TRIM2: variants seen among roughly 807,000 people sequenced by gnomAD.
TRIM2 encodes tripartite motif containing 2.
Under a neutral mutation model 75.2 loss-of-function variants are expected in TRIM2, and 20 were observed. That is an observed-to-expected ratio of 0.27 (90% CI 0.19 to 0.39). The LOEUF (loss-of-function observed/expected upper bound fraction) is 0.39, where lower values mean the gene tolerates loss of function less well. Ranked by LOEUF, TRIM2 falls within the 10% of genes least tolerant of loss-of-function variation. The pLI is 1.00. For synonymous variants in TRIM2, 373 were observed against 388.3 expected, an observed-to-expected ratio of 0.96 and a Z score of 0.46; for missense variants, 660 against 990.8, an observed-to-expected ratio of 0.67 and a Z score of 4.48.
chr4:153,337,102 G>T lies in TRIM2; in HGVS notation c.*2136G>T, dbSNP rs144045281. 1.0e-6 allele frequency: 1 copy of T among 985,254 alleles called. No homozygotes were observed. The highest frequency in any genetic ancestry group is 1.7e-5 in the African/African-American group (1 of 57,214). 61.0% of individuals were successfully genotyped at this position (985,254 alleles called of 1,614,324 possible). On this transcript the variant is annotated 3_prime_UTR_variant, in exon 12 of 12. Coordinates refer to ENST00000338700, the MANE Select transcript of TRIM2 (RefSeq NM_015271.5). ...TGGGGTGGGAATTTCATTTTGCCAC[G>T]TACTAACGTTCTGCACAAAAGACAG...
At position 153,334,795 on chromosome 4, in the gene TRIM2, A is replaced by T. The variant is rs1772252131; in HGVS notation, c.2164-19A>T. On this transcript the variant is annotated intron_variant, in intron 11 of 11. Coordinates refer to ENST00000338700, the MANE Select transcript of TRIM2 (RefSeq NM_015271.5). ...CTATAACTTCTCCTATAACATTCTG[A>T]CTTCCTATTTGTTTACAGGTTTTTG... 1 of 1,596,542 alleles carries T rather than the reference A, an allele frequency of 6.3e-7. No homozygotes were observed. Among genetic ancestry groups the T allele is most frequent in the Admixed American group, 1.7e-5 (1 of 59,308 alleles).
intron 3 of TRIM2, chr4:153,276,353 T>A: frequency 1.7e-6 from 1 of 588,618 alleles, no homozygotes; most frequent in Non-Finnish European, 3.0e-6. Flanking sequence ...ACACATATTG[T>A]TGGTATCCCC....
intron 1 of TRIM2, among the ~76,000 whole-genome samples, chr4:153,176,750 A>G (rs1731474273): frequency 6.6e-6 from 1 of 152,186 alleles, no homozygotes; most frequent in East Asian, 1.9e-4. Context: ...AGCTGGGACC[A>G]CAGGTGTGTG....
intron 3 of TRIM2, among the ~76,000 whole-genome samples, chr4:153,277,795 ATTAATAGCT>A (rs1312415880): frequency 6.6e-6 from 1 of 152,246 alleles, no homozygotes; most frequent in Non-Finnish European, 1.5e-5. Context: ...ACACCAGGCT[ATTAATAGCT>A]ATCAGTTTTC....
intron 1 of TRIM2, among the ~76,000 whole-genome samples, chr4:153,234,327 G>A (rs1229937713): frequency 6.6e-6 from 1 of 152,214 alleles, no homozygotes; most frequent in Admixed American, 6.5e-5. Flanking sequence ...GAAAGAAGGT[G>A]TTGGATAGCG....
intron 1 of TRIM2, among the ~76,000 whole-genome samples, chr4:153,232,234 C>A (rs1264160352): frequency 6.6e-6 from 1 of 152,114 alleles, no homozygotes; most frequent in Non-Finnish European, 1.5e-5. Flanking sequence ...CATGAGTAGC[C>A]AGGCGAGGTG....
intron 6 of TRIM2, among the ~76,000 whole-genome samples, chr4:153,313,992 C>G (rs1048574183): frequency 6.6e-6 from 1 of 152,064 alleles, no homozygotes; most frequent in Non-Finnish European, 1.5e-5. Context: ...GGTTCTCTCT[C>G]TCTATGAAAA....
At position 153,248,140 on chromosome 4, in the gene TRIM2, C is replaced by T. The variant is rs544686179; in HGVS notation, c.31-22195C>T. ...CCTCCTGAATAGCTGGGATTACAGG[C>T]GCCTGCCACCATGCCCGGCTAATTT... On this transcript the variant is annotated intron_variant, in intron 1 of 11. Coordinates refer to ENST00000338700, the MANE Select transcript of TRIM2 (RefSeq NM_015271.5). This position sits in a 1 kb window ranked among gnomAD's most constrained non-coding sequence, Gnocchi z 4.0. 1.3e-4 allele frequency among the ~76,000 whole-genome samples: 20 copies of T among 151,968 alleles called. No individual in the cohort carries two copies. Among genetic ancestry groups the T allele is most frequent in the Admixed American group, 1.0e-3 (16 of 15,240 alleles).
At chr4:153,205,002 G>A (rs1367073048) in intron 1 of TRIM2, among the ~76,000 whole-genome samples, 6 of 152,200 alleles carry the variant, frequency 3.9e-5, no homozygotes, top group Non-Finnish European at 8.8e-5. Flanking sequence ...TTTTCAAAGG[G>A]CAAACTGTAG....
Position 153,337,869 on chromosome 4 carries a change from C to T in TRIM2, c.*2903C>T. ...ATATTGCCGGTTGGGATTTCAAGGT[C>T]AGTGACGACGCATTTCCTCCCAGTA... On this transcript the variant is annotated 3_prime_UTR_variant, in exon 12 of 12. Transcript: ENST00000338700. The T allele has an allele frequency of 1.0e-6, 1 of 985,810 alleles. No homozygotes were observed. The highest frequency in any genetic ancestry group is 1.2e-6 in the Non-Finnish European group (1 of 829,924). The allele number at this position is 985,810 out of a possible 1,614,324, so 61.1% of individuals were successfully genotyped here. A position where few individuals can be genotyped will look rare whatever the true frequency, so the allele number is the denominator to read the frequency against.
chr4:153,213,725 C>G (rs1209068713), intron 1 of TRIM2, among the ~76,000 whole-genome samples: 1 of 152,096 alleles, frequency 6.6e-6, no homozygotes, highest in Non-Finnish European at 1.5e-5. Context: ...ACGGGTTTCA[C>G]CATGTTAGCC....
At chr4:153,188,105 T>C (rs895615900) in intron 1 of TRIM2, among the ~76,000 whole-genome samples, 1 of 152,146 alleles carries the variant, frequency 6.6e-6, no homozygotes, top group Non-Finnish European at 1.5e-5. Flanking sequence ...CTCTAAATCA[T>C]AAGAAGCTGG....
chr4:153,228,220 C>T (rs1435197451), intron 1 of TRIM2, among the ~76,000 whole-genome samples: 1 of 152,170 alleles, frequency 6.6e-6, no homozygotes, highest in Non-Finnish European at 1.5e-5. Context: ...TCCTTCCTCT[C>T]CTTCCAAGTA....
chr4:153,336,251 G>A lies in TRIM2; in HGVS notation c.*1285G>A, dbSNP rs186252988. The stretch of plus-strand genomic sequence containing the variant: ...TTCCTTTACTAAGCAGTTTAAAGCC[G>A]TCCTAGTGGAGCAAGCCCTAAAGCA... On this transcript the variant is annotated 3_prime_UTR_variant, in exon 12 of 12. Transcript: ENST00000338700. 2.3e-4 allele frequency: 231 copies of A among 984,976 alleles called. No homozygotes were observed. Among genetic ancestry groups the A allele is most frequent in the Non-Finnish European group, 2.6e-4 (217 of 829,812 alleles). 61.0% of individuals were successfully genotyped at this position (984,976 alleles called of 1,614,324 possible). A position where few individuals can be genotyped will look rare whatever the true frequency, so the allele number is the denominator to read the frequency against.
chr4:153,333,702 A>T (rs1771993160), intron 11 of TRIM2, among the ~76,000 whole-genome samples: 1 of 152,250 alleles, frequency 6.6e-6, no homozygotes, highest in African/African-American at 2.4e-5. Flanking sequence ...AACCAAATAC[A>T]GATCAAAAAT....
At chr4:153,221,706 A>C (rs1740056040) in intron 1 of TRIM2, among the ~76,000 whole-genome samples, 1 of 150,370 alleles carries the variant, frequency 6.7e-6, no homozygotes, top group Non-Finnish European at 1.5e-5. Flanking sequence ...GGAGGAAGGA[A>C]GGAAGGAAAG....
chr4:153,257,407 G>T, intron 1 of TRIM2: 2 of 1,137,994 alleles, frequency 1.8e-6, no homozygotes, highest in Non-Finnish European at 2.2e-6. Context: ...GTGAGAAAAA[G>T]ATGTCCTGTA....
chr4:153,216,677 C>G (rs184780480), intron 1 of TRIM2, among the ~76,000 whole-genome samples: 17 of 152,270 alleles, frequency 1.1e-4, no homozygotes, highest in Non-Finnish European at 1.9e-4. Flanking sequence ...ATTTTTAGTT[C>G]TGGAGGCTGG....
chr4:153,229,905 A>G (rs977921079), intron 1 of TRIM2, among the ~76,000 whole-genome samples: 1 of 152,340 alleles, frequency 6.6e-6, no homozygotes, highest in Non-Finnish European at 1.5e-5. Flanking sequence ...CCTTGGATAA[A>G]TGCATTCACC....
Sources: gnomAD v4.1 joint callset for allele counts (sites outside exome capture counted in the v4.1 genomes callset) on GRCh38, gnomAD v4.1.1 for gene constraint, Gnocchi (gnomAD v3.1) non-coding constraint, MANE v1.5 for transcripts, NCBI Gene and HGNC (gene_info 2026-07-23, HGNC 2026-07-21) for gene names.